The following RERE variants were observed in gnomAD, a reference collection of about 807,000 sequenced individuals.
The protein encoded by RERE is arginine-glutamic acid dipeptide repeats, also known as arginine-glutamic acid dipeptide repeats protein.
Under a neutral mutation model 146.1 loss-of-function variants are expected in RERE, and 40 were observed. That is an observed-to-expected ratio of 0.27 (90% CI 0.21 to 0.36). RERE has a LOEUF of 0.36. Ranked by LOEUF, RERE falls within the 10% of genes least tolerant of loss-of-function variation. The pLI, the probability that RERE is intolerant of heterozygous loss-of-function variation, is 1.00. For synonymous variants in RERE, 1,003 were observed against 866.0 expected (o/e 1.16, Z -2.78); for missense variants, 1,933 against 2,138.7 (o/e 0.90, Z 1.90).
At position 8,602,038 on chromosome 1, in the gene RERE, C is replaced by T. The variant is rs536227717; in HGVS notation, c.522+12523G>A. ...CCTGTTGTAAAAGCACAGTACCCTT[C>T]TCTCTAATAAAAATTCGAAAGGCCA... On this transcript the variant is annotated intron_variant, in intron 4 of 22. Transcript: ENST00000400908. Among the ~76,000 whole-genome samples, 7 of 152,314 alleles carry T rather than the reference C, an allele frequency of 4.6e-5. No individual in the cohort carries two copies. In the South Asian group the frequency reaches 6.2e-4, roughly 14 times the overall value.
chr1:8,468,908 A>G (rs1557645815), intron 10 of RERE, among the ~76,000 whole-genome samples: 5 of 152,042 alleles, frequency 3.3e-5, no homozygotes, highest in African/African-American at 7.2e-5. Flanking sequence ...AATAAAAAAA[A>G]AAAGAAAGAA....
intron 1 of RERE, among the ~76,000 whole-genome samples, chr1:8,703,531 T>C (rs1433181386): frequency 5.3e-5 from 8 of 152,078 alleles, no homozygotes; most frequent in Admixed American, 5.2e-4. Context: ...GCACACACAA[T>C]GCCAGCTGCA....
At chr1:8,760,589 T>A (rs995339855) in intron 1 of RERE, among the ~76,000 whole-genome samples, 1 of 152,138 alleles carries the variant, frequency 6.6e-6, no homozygotes, top group African/African-American at 2.4e-5. Flanking sequence ...TTGGACAGGC[T>A]TTTGATATTT....
intron 11 of RERE, among the ~76,000 whole-genome samples, chr1:8,445,666 C>A (rs1220859073): frequency 6.6e-6 from 1 of 152,054 alleles, no homozygotes; most frequent in East Asian, 1.9e-4. Context: ...CAGCAACCAC[C>A]TGCGGCAGGA....
At chr1:8,357,034 G>A (rs530792719) in intron 20 of RERE, among the ~76,000 whole-genome samples, 85 of 152,222 alleles carry the variant, frequency 5.6e-4, no homozygotes, top group Admixed American at 3.3e-3. Context: ...TCTCGAAACC[G>A]CCATACTGCC....
chr1:8,507,179 G>A (rs541631923), intron 8 of RERE, among the ~76,000 whole-genome samples: 19 of 152,344 alleles, frequency 1.2e-4, no homozygotes, highest in Non-Finnish European at 2.1e-4. Context: ...GGCTGAGGCA[G>A]GTTGGACTGC....
At chr1:8,687,497 T>C (rs537246356) in intron 1 of RERE, among the ~76,000 whole-genome samples, 6 of 152,304 alleles carry the variant, frequency 3.9e-5, no homozygotes, top group South Asian at 4.1e-4. Flanking sequence ...TATTAACCAA[T>C]TGGGAATTAA....
chr1:8,706,603 T>A (rs2124449375), intron 1 of RERE, among the ~76,000 whole-genome samples: 2 of 152,330 alleles, frequency 1.3e-5, no homozygotes, highest in Admixed American at 1.3e-4. Context: ...TGTACACTAG[T>A]TTGTCTTCAA....
At chr1:8,660,494 G>A (rs1442593129) in intron 1 of RERE, among the ~76,000 whole-genome samples, 2 of 152,200 alleles carry the variant, frequency 1.3e-5, no homozygotes, top group Non-Finnish European at 2.9e-5. Context: ...TGTCATCCTC[G>A]CTTTACAGTC....
chr1:8,358,843 G>A lies in RERE; in HGVS notation c.3692C>T (p.Ser1231Phe), dbSNP rs1641422462. 1.9e-6 allele frequency: 3 copies of A among 1,605,436 alleles called. No homozygotes were observed. The highest frequency in any genetic ancestry group is 1.3e-5 in the African/African-American group (1 of 74,882). ...QLSGPGHMRP[S>F]FEPPPTTIAA... ...AATGGTGGTTGGTGGTGGCTCGAAGGATGGCCGCATGTGGCCAGGACCACT... is the reference window on the plus strand; with the variant it reads ...AATGGTGGTTGGTGGTGGCTCGAAGAATGGCCGCATGTGGCCAGGACCACT... Residue 1231 changes from serine (S) to phenylalanine (F), a missense_variant, in exon 20 of 23, where the codon TCC becomes TTC. Transcript: ENST00000400908.
intron 12 of RERE, among the ~76,000 whole-genome samples, chr1:8,384,388 G>C (rs1642569276): frequency 6.6e-6 from 1 of 152,178 alleles, no homozygotes; most frequent in Non-Finnish European, 1.5e-5. Context: ...AAAGGAACAT[G>C]CTTCTCTGGA....
intron 7 of RERE, among the ~76,000 whole-genome samples, chr1:8,514,366 T>G (rs1460987231): frequency 1.3e-5 from 2 of 152,238 alleles, no homozygotes; most frequent in Non-Finnish European, 2.9e-5. Context: ...AGGCTTCTCC[T>G]CAAGACAATC....
rs1194174202 is a variant in RERE at position 8,423,858 on chromosome 1, T to C, written c.1204-1051A>G. Among the ~76,000 whole-genome samples the C allele has an allele frequency of 3.4e-5, 5 of 148,528 alleles. No individual in the cohort carries two copies. The highest frequency in any genetic ancestry group is 1.2e-4 in the African/African-American group (5 of 40,750). On this transcript the variant is annotated intron_variant, in intron 11 of 22. Coordinates refer to ENST00000400908, the MANE Select transcript of RERE (RefSeq NM_001042681.2). This position sits in a 1 kb window ranked among gnomAD's most constrained non-coding sequence, Gnocchi z 5.4. ...GGCCTGGATTGCCGCCGCCCTCCTG[T>C]CCGCCAGCCGGGGCCCCGCGCCCCG...
rs59647434 is a variant in RERE, at chr1:8,669,024, C to CTGTGTGTG, written c.-144-12591_-144-12584dup. On this transcript the variant is annotated intron_variant, in intron 1 of 22. Transcript: ENST00000400908. ...TGAATATTCTAAAATGCACTCAACT[C>CTGTGTGTG]TGTGTGTGTGTGTGTGTGTGTGTGT... Among the ~76,000 whole-genome samples the CTGTGTGTG allele has an allele frequency of 3.2e-3, 138 of 43,798 alleles. 3 individuals are homozygous for CTGTGTGTG. Among genetic ancestry groups the CTGTGTGTG allele is most frequent in the South Asian group, 4.0e-3 (5 of 1,238 alleles). The allele number at this position is 43,798 out of a possible 152,430, so 28.7% of individuals were successfully genotyped here. A position where few individuals can be genotyped will look rare whatever the true frequency, so the allele number is the denominator to read the frequency against.
chr1:8,616,355 C>CT (rs1467382643), intron 3 of RERE, among the ~76,000 whole-genome samples: 1 of 152,112 alleles, frequency 6.6e-6, no homozygotes, highest in Non-Finnish European at 1.5e-5. Context: ...TTGACAGTAT[C>CT]TGTTTCCCTA....
intron 4 of RERE, among the ~76,000 whole-genome samples, chr1:8,558,510 G>A (rs1570436912): frequency 6.6e-6 from 1 of 152,130 alleles, no homozygotes; most frequent in Non-Finnish European, 1.5e-5. Flanking sequence ...TCACAGGCCC[G>A]TTGGTCAGTA....
chr1:8,437,918 G>A (rs750271072), intron 11 of RERE, among the ~76,000 whole-genome samples: 16 of 132,114 alleles, frequency 1.2e-4, no homozygotes, highest in Non-Finnish European at 2.1e-4. Flanking sequence ...TTTCATCCTC[G>A]TTTGTGATAT....
chr1:8,384,244 G>A (rs769512366), intron 12 of RERE, among the ~76,000 whole-genome samples: 11 of 152,176 alleles, frequency 7.2e-5, no homozygotes, highest in Non-Finnish European at 1.5e-4. Flanking sequence ...AAGCTGGGAT[G>A]CACGGAGGTC....
At chr1:8,694,988 T>A (rs538702490) in intron 1 of RERE, among the ~76,000 whole-genome samples, 2 of 86,944 alleles carry the variant, frequency 2.3e-5, no homozygotes, top group African/African-American at 4.9e-5. Context: ...GGGGGGGGAA[T>A]GCTGGCAGCA....
Sources: allele counts gnomAD v4.1 joint callset (sites outside exome capture counted in the v4.1 genomes callset), GRCh38; gene constraint gnomAD v4.1.1; non-coding constraint Gnocchi (gnomAD v3.1); transcripts MANE v1.5; gene names NCBI Gene and HGNC (gene_info 2026-07-23, HGNC 2026-07-21).